The following FER1L6 variants were observed in gnomAD, a reference collection of about 807,000 sequenced individuals.
The protein encoded by FER1L6 is fer-1 like family member 6, also known as fer-1-like protein 6.
A neutral mutation model predicts 219.2 loss-of-function variants in FER1L6; 177 were observed. The ratio of observed to expected loss-of-function variants is 0.81; its 90% CI spans 0.71 to 0.91. The LOEUF is 0.91. Ranked by LOEUF, FER1L6 falls within the 40% of genes least tolerant of loss-of-function variation. The probability of loss-of-function intolerance (pLI) is 0.00; values close to 1 mark genes in which losing one functional copy is unlikely to be tolerated. For missense variants in FER1L6, 2,153 were observed against 2,259.9 expected (o/e 0.95, Z 0.96); for synonymous variants, 768 against 824.3 (o/e 0.93, Z 1.17).
chr8:124,076,711 C>T (rs1821309903), intron 32 of FER1L6, among the ~76,000 whole-genome samples: 1 of 152,130 alleles, frequency 6.6e-6, no homozygotes. Context: ...TTGAACAGAG[C>T]AGAGATTTCC....
Position 124,023,555 on chromosome 8 carries a change from A to G in FER1L6, c.2245A>G (p.Met749Val), listed in dbSNP as rs1255594339. The G allele has an allele frequency of 1.9e-6, 3 of 1,614,200 alleles. No individual in the cohort carries two copies. Among genetic ancestry groups the G allele is most frequent in the East Asian group, 2.2e-5 (1 of 44,870 alleles). The change falls in exon 18 of 41, where the codon ATG becomes GTG. Residue 749 changes from methionine to valine, a missense_variant. Transcript: ENST00000522917. ...DLLYSPVAGQ[M>V]GKHCGKIKTH... Reference sequence around the variant, plus strand: ...CCTCTATTCCCCTGTCGCGGGGCAGATGGGCAAACACTGCGGCAAGATCAA... The same window carrying G: ...CCTCTATTCCCCTGTCGCGGGGCAGGTGGGCAAACACTGCGGCAAGATCAA...
chr8:123,931,062 G>A (rs1485451394), intron 1 of FER1L6, among the ~76,000 whole-genome samples: 2 of 152,190 alleles, frequency 1.3e-5, no homozygotes, highest in African/African-American at 4.8e-5. Context: ...CTTTAGAGTT[G>A]TCAAGAGACC....
At chr8:123,878,169 C>T (rs911481502) in intron 1 of FER1L6, among the ~76,000 whole-genome samples, 1 of 152,136 alleles carries the variant, frequency 6.6e-6, no homozygotes, top group Non-Finnish European at 1.5e-5. Context: ...GTTCCAAAGC[C>T]TCCCAGAACA....
chr8:123,926,559 A>G (rs1412855649), intron 1 of FER1L6, among the ~76,000 whole-genome samples: 1 of 152,202 alleles, frequency 6.6e-6, no homozygotes. Flanking sequence ...CCAAGGTTGT[A>G]TACAAAGAAT....
In FER1L6 at chr8:124,066,434, A is replaced by G. The variant is rs745898088; in HGVS notation, c.3562A>G (p.Arg1188Gly). 6.2e-7 allele frequency: 1 copy of G among 1,613,630 alleles called. No homozygotes were observed. Among genetic ancestry groups the G allele is most frequent in the Non-Finnish European group, 8.5e-7 (1 of 1,179,832 alleles). Residue 1188 changes from arginine to glycine, a missense_variant, in exon 27 of 41, where the codon AGG becomes GGG. Physicochemically the swap from Arg to Gly is moderately radical, Grantham distance 125 (BLOSUM62 -2). Coordinates refer to ENST00000522917, the MANE Select transcript of FER1L6 (RefSeq NM_001039112.2). ...PPKDGKPKDP[R>G]KPSRRSTKRR... ...TTCCCTCATCCCTTGCCAGGATCCC[A>G]GGAAGCCTTCCCGGAGGTCCACTAA...
chr8:123,966,138 C>T, intron 4 of FER1L6, 21 bp from the exon 5 acceptor site: 1 of 1,613,914 alleles, frequency 6.2e-7, no homozygotes, highest in Admixed American at 1.7e-5. Context: ...GGAATGGTGT[C>T]CACACTGCTT....
intron 1 of FER1L6, among the ~76,000 whole-genome samples, chr8:123,918,260 G>A (rs1416240802): frequency 6.6e-6 from 1 of 150,556 alleles, no homozygotes; most frequent in Non-Finnish European, 1.5e-5. Context: ...AGGGAACTGA[G>A]ATTGTGCCAC....
chr8:123,856,762 A>G (rs956869687), intron 1 of FER1L6, among the ~76,000 whole-genome samples: 4 of 152,138 alleles, frequency 2.6e-5, no homozygotes, highest in South Asian at 2.1e-4. Flanking sequence ...GATTATTTTC[A>G]CAGAATTTAG....
chr8:123,858,113 C>T (rs1048124625), intron 1 of FER1L6, among the ~76,000 whole-genome samples: 7 of 152,116 alleles, frequency 4.6e-5, no homozygotes, highest in African/African-American at 1.2e-4. Flanking sequence ...TCTTCTCTGG[C>T]GACTCCCTCC....
chr8:123,992,508 G>A (rs1191881812), intron 12 of FER1L6, among the ~76,000 whole-genome samples: 5 of 152,068 alleles, frequency 3.3e-5, no homozygotes, highest in African/African-American at 4.8e-5. Context: ...ATTCATAGTA[G>A]TCTTGAATGA....
Position 123,961,510 on chromosome 8 carries a change from AG to A in FER1L6, c.77-1767del, listed in dbSNP as rs528791929. 2.8e-3 allele frequency among the ~76,000 whole-genome samples: 424 copies of A among 152,350 alleles called. 2 individuals are homozygous for A. The highest frequency in any genetic ancestry group is 9.6e-3 in the African/African-American group (401 of 41,578). On this transcript the variant is annotated intron_variant, in intron 2 of 40. Transcript: ENST00000522917. ...GACTTTATTTTTTATGAAGGGTTAC[AG>A]CCTGCCAGGTGCCCATTTTGATGGT... is the stretch of plus-strand genomic sequence containing the variant.
At chr8:124,023,414 A>C in intron 17 of FER1L6, 30 bp from the exon 18 acceptor site, 2 of 1,605,232 alleles carry the variant, frequency 1.2e-6, no homozygotes, top group Non-Finnish European at 1.7e-6. Flanking sequence ...TCCCATTCCT[A>C]TTCAATCCCA....
chr8:124,042,703 G>A (rs1315052804), intron 20 of FER1L6, among the ~76,000 whole-genome samples: 2 of 152,162 alleles, frequency 1.3e-5, no homozygotes, highest in African/African-American at 4.8e-5. Context: ...GGCCCCTGCA[G>A]TCATAGCCGA....
At chr8:123,997,483 G>A (rs1817185891) in intron 12 of FER1L6, among the ~76,000 whole-genome samples, 1 of 152,054 alleles carries the variant, frequency 6.6e-6, no homozygotes, top group Admixed American at 6.5e-5. Flanking sequence ...ATGTCTTGAG[G>A]TAGTCTTCTT....
intron 18 of FER1L6, among the ~76,000 whole-genome samples, chr8:124,025,357 A>G (rs920889876): frequency 6.6e-6 from 1 of 152,108 alleles, no homozygotes; most frequent in Non-Finnish European, 1.5e-5. Context: ...TTTTTTGTAT[A>G]TGGTGAGAAA....
In FER1L6 at chr8:123,974,659, C is replaced by CAAAAAAAAAAA. The variant is rs994690186; in HGVS notation, c.527-478_527-468dup. On this transcript the variant is annotated intron_variant, in intron 7 of 40. Coordinates refer to ENST00000522917, the MANE Select transcript of FER1L6 (RefSeq NM_001039112.2). ...CAGGCATCACAGCGAGACTCTGTCTCAAAAAAAAAAAAAAAAAAAAAAAGA... is the reference window on the plus strand; with the variant it reads ...CAGGCATCACAGCGAGACTCTGTCTCAAAAAAAAAAAAAAAAAAAAAAAAAAAAAAAAAAGA... Among the ~76,000 whole-genome samples, 143 of 47,738 alleles carry CAAAAAAAAAAA rather than the reference C, an allele frequency of 3.0e-3. 1 individual carries two copies. Among genetic ancestry groups the CAAAAAAAAAAA allele is most frequent in the Middle Eastern group, 0.014 (1 of 74 alleles). 31.3% of individuals were successfully genotyped at this position (47,738 alleles called of 152,430 possible). A position where few individuals can be genotyped will look rare whatever the true frequency, so the allele number is the denominator to read the frequency against.
At position 123,932,042 on chromosome 8, in the gene FER1L6, C is replaced by T. The variant is rs756192257; in HGVS notation, c.-7-23950C>T. 1.1e-3 allele frequency among the ~76,000 whole-genome samples: 175 copies of T among 152,196 alleles called. 4 individuals are homozygous for T. The highest frequency in any genetic ancestry group is 8.7e-4 in the Non-Finnish European group (59 of 68,046). ...GCCTTTTACTCAGAACCATCTCAGT[C>T]AACAGCTTCTATTAGAGCTGCAGTT... On this transcript the variant is annotated intron_variant, in intron 1 of 40. Transcript: ENST00000522917.
chr8:123,869,764 G>C (rs1324320796), intron 1 of FER1L6, among the ~76,000 whole-genome samples: 1 of 152,128 alleles, frequency 6.6e-6, no homozygotes, highest in Non-Finnish European at 1.5e-5. Context: ...AAGTTAGAAG[G>C]CTCATTCTAC....
chr8:123,871,502 T>G (rs1248614270), intron 1 of FER1L6, among the ~76,000 whole-genome samples: 1 of 152,104 alleles, frequency 6.6e-6, no homozygotes, highest in East Asian at 1.9e-4. Context: ...AGTTTGTAAA[T>G]GGGATGAAAG....
Sources: gnomAD v4.1 joint callset for allele counts (sites outside exome capture counted in the v4.1 genomes callset) on GRCh38, gnomAD v4.1.1 for gene constraint, MANE v1.5 for transcripts, NCBI Gene and HGNC (gene_info 2026-07-23, HGNC 2026-07-21) for gene names.